PPA2: variants seen among roughly 807,000 people sequenced by gnomAD.
The protein encoded by PPA2 is inorganic pyrophosphatase 2, mitochondrial.
In PPA2, 48 loss-of-function variants were observed where a neutral mutation model predicts 49.5. That is an observed-to-expected ratio of 0.97 (90% CI 0.77 to 1.23). The LOEUF is 1.23. Among genes scored for constraint, PPA2 ranks in the 50% most tolerant of loss-of-function variants. The probability of loss-of-function intolerance (pLI) is 0.00; values close to 1 mark genes in which losing one functional copy is unlikely to be tolerated. For synonymous variants in PPA2, 131 were observed against 139.9 expected, an observed-to-expected ratio of 0.94 and a Z score of 0.45; for missense variants, 429 against 410.1, an observed-to-expected ratio of 1.05 and a Z score of -0.40.
At chr4:105,390,957 T>C (rs1219281194) in intron 9 of PPA2, among the ~76,000 whole-genome samples, 1 of 152,080 alleles carries the variant, frequency 6.6e-6, no homozygotes, top group Non-Finnish European at 1.5e-5. Flanking sequence ...AGTGATGGAC[T>C]GGATAAAGAA....
rs1344300678 is a variant in PPA2 at position 105,391,295 on chromosome 4, A to C, written c.870-4659T>G. 4.0e-5 allele frequency among the ~76,000 whole-genome samples: 6 copies of C among 148,464 alleles called. No individual in the cohort carries two copies. The Admixed American group carries it at 4.1e-4, about 10-fold the overall frequency. On this transcript the variant is annotated intron_variant, in intron 9 of 11. Transcript: ENST00000341695. The stretch of plus-strand genomic sequence containing the variant: ...AAACCACCATGGCACATGTACACCT[A>C]TGTAACAAACCTGCATGTTCTGCAC...
At chr4:105,470,277 A>G (rs926452808) in intron 1 of PPA2, among the ~76,000 whole-genome samples, 2 of 152,250 alleles carry the variant, frequency 1.3e-5, no homozygotes, top group African/African-American at 4.8e-5. Context: ...GTCTAACTTC[A>G]TTATGATTTC....
chr4:105,467,693 G>A (rs918464413), intron 1 of PPA2, among the ~76,000 whole-genome samples: 7 of 152,148 alleles, frequency 4.6e-5, no homozygotes, highest in Non-Finnish European at 7.3e-5. Context: ...AGTGAGAAGG[G>A]TGGAAGTGGA....
At chr4:105,449,503 CA>C (rs1219719942) in intron 3 of PPA2, 100 bp from the exon 4 acceptor site, 288 of 670,568 alleles carry the variant, frequency 4.3e-4, no homozygotes, top group South Asian at 6.5e-4. Context: ...TTTCCCCCGA[CA>C]AAAAAAATGT....
At chr4:105,412,595 A>C (rs1722814289) in intron 7 of PPA2, among the ~76,000 whole-genome samples, 1 of 152,186 alleles carries the variant, frequency 6.6e-6, no homozygotes, top group African/African-American at 2.4e-5. Context: ...CATCTGACAA[A>C]GGGCTAATAT....
Position 105,474,037 on chromosome 4 carries a change from A to C in PPA2, c.14T>G (p.Leu5Arg), listed in dbSNP as rs370069965. 1 of 1,591,956 alleles carries C rather than the reference A, an allele frequency of 6.3e-7. No individual in the cohort carries two copies. Among genetic ancestry groups the C allele is most frequent in the East Asian group, 2.3e-5 (1 of 43,806 alleles). The change falls in exon 1 of 12, where the codon CTG (leucine) becomes CGG (arginine). Residue 5 changes from leucine to arginine, a missense_variant. Physicochemically the swap from Leu to Arg is moderately radical, Grantham distance 102 (BLOSUM62 -2). Coordinates refer to ENST00000341695, the MANE Select transcript of PPA2 (RefSeq NM_176869.3). MSAL[L>R]RLLRTGAPAA... is the part of the protein sequence containing the mutation. ...TGGGGCACCCGTGCGCAGCAGCCGC[A>C]GCAGCGCGCTCATGGCGTCAATGAC...
intron 5 of PPA2, chr4:105,446,123 GAAA>G (rs35970605): frequency 7.4e-6 from 2 of 269,148 alleles, no homozygotes; most frequent in Non-Finnish European, 6.8e-6. Context: ...GGCAAGACCA[GAAA>G]AAAAAAAATG....
At chr4:105,387,050 G>A (rs752778972) in intron 9 of PPA2, among the ~76,000 whole-genome samples, 6 of 152,154 alleles carry the variant, frequency 3.9e-5, no homozygotes, top group Admixed American at 2.6e-4. Context: ...AAGTTTTTGC[G>A]GAATCTCTTT....
intron 5 of PPA2, 44 bp from the exon 6 acceptor site, chr4:105,438,080 C>T (rs1404722575): frequency 7.9e-7 from 1 of 1,268,416 alleles, no homozygotes; most frequent in Non-Finnish European, 1.1e-6. Flanking sequence ...TAAGTTAATA[C>T]TATAATGTAC....
chr4:105,446,536 G>A, intron 4 of PPA2, 34 bp from the exon 5 acceptor site: 6 of 1,580,410 alleles, frequency 3.8e-6, no homozygotes, highest in East Asian at 2.3e-5. Flanking sequence ...AAAGGAGATG[G>A]GATAAGAAAT....
At chr4:105,409,325 G>A (rs1376686767) in intron 7 of PPA2, among the ~76,000 whole-genome samples, 3 of 152,216 alleles carry the variant, frequency 2.0e-5, no homozygotes, top group African/African-American at 4.8e-5. Context: ...ATCGGCCTGT[G>A]AGACGGCAGC....
At chr4:105,390,731 T>C (rs1733880510) in intron 9 of PPA2, among the ~76,000 whole-genome samples, 1 of 152,200 alleles carries the variant, frequency 6.6e-6, no homozygotes, top group East Asian at 1.9e-4. Flanking sequence ...TTTTACACTG[T>C]TGGTGGGAGT....
At chr4:105,393,485 AAATAAT>A (rs57790851) in intron 9 of PPA2, among the ~76,000 whole-genome samples, 37,949 of 132,384 alleles carry the variant, frequency 0.29, 5,534 homozygotes, top group East Asian at 0.35. Flanking sequence ...CACTGTCTCA[AAATAAT>A]AATAATAATA....
intron 6 of PPA2, among the ~76,000 whole-genome samples, chr4:105,429,498 A>C (rs1723698885): frequency 2.6e-5 from 4 of 152,232 alleles, no homozygotes; most frequent in Non-Finnish European, 5.9e-5. Flanking sequence ...GTCTAAGGAC[A>C]ATTTTTTAAT....
chr4:105,446,789 G>A (rs925434303), intron 4 of PPA2, among the ~76,000 whole-genome samples: 1 of 152,016 alleles, frequency 6.6e-6, no homozygotes, highest in Admixed American at 6.5e-5. Context: ...GATGGCAAGA[G>A]GATAAAGATT....
Position 105,429,483 on chromosome 4 carries a change from T to C in PPA2, c.529-5161A>G, listed in dbSNP as rs543151565. On this transcript the variant is annotated intron_variant, in intron 6 of 11. Transcript: ENST00000341695. ...TTAAAAAGTTAAGAAAAAAGTCATT[T>C]TAAGGTCTAAGGACAATTTTTTAAT... 1.2e-4 allele frequency among the ~76,000 whole-genome samples: 19 copies of C among 152,368 alleles called. No individual in the cohort carries two copies. The East Asian group carries it at 3.3e-3, about 26-fold the overall frequency.
intron 5 of PPA2, among the ~76,000 whole-genome samples, chr4:105,441,447 G>A (rs189191755): frequency 2.0e-5 from 3 of 152,048 alleles, no homozygotes; most frequent in East Asian, 1.9e-4. Flanking sequence ...AAGGATATAC[G>A]GTACTGGAAC....
At position 105,456,699 on chromosome 4, in the gene PPA2, C is replaced by A; in HGVS notation, c.204G>T (p.Leu68=). ...ACAATACCTCTTTAGAGTTCACCTT[C>A]AGAGGAATATCATGAAAGGGGGAAA... ...HYISPFHDIP[L]KVNSKEENGI... Residue 68 remains leucine, a synonymous_variant, in exon 2 of 12, where the codon CTG becomes CTT. Coordinates refer to ENST00000341695, the MANE Select transcript of PPA2 (RefSeq NM_176869.3). 1 of 1,606,604 alleles carries A rather than the reference C, an allele frequency of 6.2e-7. No homozygotes were observed. Among genetic ancestry groups the A allele is most frequent in the Non-Finnish European group, 8.5e-7 (1 of 1,175,338 alleles).
chr4:105,471,292 G>A (rs190281114), intron 1 of PPA2, among the ~76,000 whole-genome samples: 1 of 152,242 alleles, frequency 6.6e-6, no homozygotes, highest in Non-Finnish European at 1.5e-5. Context: ...AAGGAGGCCT[G>A]ATGATTCCCA....
Sources: allele counts gnomAD v4.1 joint callset (sites outside exome capture counted in the v4.1 genomes callset), GRCh38; gene constraint gnomAD v4.1.1; transcripts MANE v1.5; gene names NCBI Gene and HGNC (gene_info 2026-07-23, HGNC 2026-07-21).